Variants in CREB3L2 observed in about 807,000 individuals in gnomAD.
CREB3L2 encodes cyclic AMP-responsive element-binding protein 3-like protein 2.
CREB3L2 carries 23 observed loss-of-function variants against 57.2 expected under a neutral mutation model. The observed-to-expected ratio is 0.40, with a 90% CI of 0.29 to 0.57. CREB3L2 has a LOEUF of 0.57. CREB3L2 is among the 20% of genes least tolerant of loss of function. The probability of loss-of-function intolerance (pLI) is 0.42; values close to 1 mark genes in which losing one functional copy is unlikely to be tolerated. For missense variants in CREB3L2, 628 were observed against 634.7 expected (o/e 0.99, Z 0.11); for synonymous variants, 268 against 265.1 (o/e 1.01, Z -0.11).
At chr7:137,985,293 G>T (rs190041004) in intron 1 of CREB3L2, among the ~76,000 whole-genome samples, 1 of 152,308 alleles carries the variant, frequency 6.6e-6, no homozygotes, top group African/African-American at 2.4e-5. Flanking sequence ...ACTCAGAGAG[G>T]TTCTCTCGCT....
chr7:137,918,118 GT>G (rs1328327748), intron 2 of CREB3L2, among the ~76,000 whole-genome samples: 3 of 152,220 alleles, frequency 2.0e-5, no homozygotes, highest in Non-Finnish European at 1.5e-5. Flanking sequence ...GCTTAGGACA[GT>G]TAGGGAAGGG....
At chr7:137,930,170 T>C (rs1190769865) in intron 1 of CREB3L2, among the ~76,000 whole-genome samples, 1 of 152,116 alleles carries the variant, frequency 6.6e-6, no homozygotes. Flanking sequence ...GTGCTGGGAT[T>C]ACAGGCGTGA....
intron 1 of CREB3L2, among the ~76,000 whole-genome samples, chr7:137,962,905 C>T (rs1300124664): frequency 6.6e-6 from 1 of 152,192 alleles, no homozygotes. Flanking sequence ...TCCCCCAGCA[C>T]ACACAAACCT....
intron 1 of CREB3L2, among the ~76,000 whole-genome samples, chr7:137,974,987 C>T (rs907432848): frequency 2.6e-5 from 4 of 151,924 alleles, no homozygotes; most frequent in African/African-American, 4.8e-5. Context: ...GGAGTGTTGC[C>T]CAAGAGACAG....
intron 1 of CREB3L2, among the ~76,000 whole-genome samples, chr7:137,984,034 A>G (rs1801754197): frequency 6.6e-6 from 1 of 152,206 alleles, no homozygotes; most frequent in African/African-American, 2.4e-5. Context: ...GAAGTGCCAA[A>G]AAGTGCCACT....
intron 6 of CREB3L2, among the ~76,000 whole-genome samples, chr7:137,905,443 C>A (rs780562733): frequency 6.7e-6 from 1 of 148,328 alleles, no homozygotes; most frequent in Non-Finnish European, 1.5e-5. Flanking sequence ...TCCTCCCACC[C>A]GTAAATGTAT....
chr7:137,955,605 G>A (rs1279841889), intron 1 of CREB3L2, among the ~76,000 whole-genome samples: 1 of 152,050 alleles, frequency 6.6e-6, no homozygotes, highest in African/African-American at 2.4e-5. Flanking sequence ...CCACCACCTC[G>A]ACTTTTCAAA....
intron 5 of CREB3L2, 42 bp from the exon 6 acceptor site, chr7:137,905,890 C>T: frequency 6.5e-7 from 1 of 1,538,114 alleles, no homozygotes; most frequent in Non-Finnish European, 8.7e-7. Context: ...AGAAAAAGAA[C>T]TGGGACCACT....
intron 1 of CREB3L2, among the ~76,000 whole-genome samples, chr7:137,992,490 A>G (rs1174820552): frequency 6.6e-6 from 1 of 152,232 alleles, no homozygotes; most frequent in Non-Finnish European, 1.5e-5. Flanking sequence ...AAACACATCA[A>G]GAAACACATG....
chr7:137,989,060 C>G (rs28675865), intron 1 of CREB3L2, among the ~76,000 whole-genome samples: 9 of 152,122 alleles, frequency 5.9e-5, no homozygotes, highest in Non-Finnish European at 1.3e-4. Flanking sequence ...ACCAATGAAC[C>G]AGTGATGGTC....
At chr7:137,884,680 C>G (rs1000103674) in intron 10 of CREB3L2, 21 of 591,640 alleles carry the variant, frequency 3.5e-5, no homozygotes, top group Non-Finnish European at 5.7e-5. Context: ...AAGCGACAGA[C>G]TCTTTCCCTC....
rs1489917121 is a variant in CREB3L2 at position 138,001,322 on chromosome 7, TAAC to T, written c.102+279_102+281del. Among the ~76,000 whole-genome samples the T allele has an allele frequency of 6.6e-6, 1 of 152,124 alleles. No individual in the cohort carries two copies. The highest frequency in any genetic ancestry group is 1.5e-5 in the Non-Finnish European group (1 of 68,018). ...TCCCTCTCCCGCATTACAGTACTGT[TAAC>T]AACAGCAAATGATATTACAGATGGA... On this transcript the variant is annotated intron_variant, in intron 1 of 11. Coordinates refer to ENST00000330387, the MANE Select transcript of CREB3L2 (RefSeq NM_194071.4). The surrounding 1 kb of genome is among the most constrained non-coding windows in gnomAD (Gnocchi z 4.2).
chr7:137,953,814 A>G (rs1801153690), intron 1 of CREB3L2, among the ~76,000 whole-genome samples: 2 of 152,234 alleles, frequency 1.3e-5, no homozygotes. Flanking sequence ...CCAAGAGAAA[A>G]AGGGGCACTT....
intron 1 of CREB3L2, chr7:137,956,617 G>A (rs1032290526): frequency 1.3e-5 from 17 of 1,288,894 alleles, no homozygotes; most frequent in African/African-American, 1.2e-4. Flanking sequence ...CAGCCATGCC[G>A]AATATTTCTC....
Position 137,905,610 on chromosome 7 carries a change from G to C in CREB3L2, c.915+92C>G, listed in dbSNP as rs1278827467. 5.2e-6 allele frequency: 7 copies of C among 1,356,790 alleles called. No individual in the cohort carries two copies. The East Asian group carries it at 1.6e-4, about 31-fold the overall frequency. The allele number at this position is 1,356,790 out of a possible 1,614,324, so 84.0% of individuals were successfully genotyped here. ...GGCCTTGGTCTCCACCATGGGATGG[G>C]GTAGTGCTGGCCGTTGGGAAGGCAG... On this transcript the variant is annotated intron_variant, in intron 6 of 11. Coordinates refer to ENST00000330387, the MANE Select transcript of CREB3L2 (RefSeq NM_194071.4).
chr7:137,928,748 G>A (rs1364146671), intron 1 of CREB3L2, among the ~76,000 whole-genome samples: 2 of 152,134 alleles, frequency 1.3e-5, no homozygotes, highest in African/African-American at 4.8e-5. Context: ...TCTTCCATGA[G>A]GGAGAAAAAC....
At position 138,001,657 on chromosome 7, in the gene CREB3L2, T is replaced by C. The variant is rs781721490; in HGVS notation, c.49A>G (p.Lys17Glu). Residue 17 changes from lysine (K) to glutamate (E), a missense_variant, in exon 1 of 12, where the codon AAG (lysine) becomes GAG (glutamate). Around this residue, in one of 3 missense-constraint regions of CREB3L2, gnomAD observed 339 missense variants for 355.4 expected, o/e 0.95. Coordinates refer to ENST00000330387, the MANE Select transcript of CREB3L2 (RefSeq NM_194071.4). The surrounding 1 kb of genome is among the most constrained non-coding windows in gnomAD (Gnocchi z 4.2). Reference sequence around the variant, plus strand: ...CCGGGCTCTGACAGCTCGCTCAGCTTGCGGTCCCACTGCAGCACGCCCTGC... The same window carrying C: ...CCGGGCTCTGACAGCTCGCTCAGCTCGCGGTCCCACTGCAGCACGCCCTGC... ...GEQGVLQWDRKLSELSEPGDG... is the reference protein window; with the variant it reads ...GEQGVLQWDRELSELSEPGDG... The C allele has an allele frequency of 2.1e-5, 34 of 1,613,412 alleles. No homozygotes were observed. The highest frequency in any genetic ancestry group is 2.6e-5 in the Non-Finnish European group (31 of 1,179,824).
At chr7:137,988,327 A>C (rs2117324080) in intron 1 of CREB3L2, among the ~76,000 whole-genome samples, 1 of 152,332 alleles carries the variant, frequency 6.6e-6, no homozygotes, top group Non-Finnish European at 1.5e-5. Flanking sequence ...GGGTCCTGAA[A>C]CCTGGGCATT....
At chr7:137,929,961 G>C (rs923231641) in intron 1 of CREB3L2, among the ~76,000 whole-genome samples, 2 of 150,548 alleles carry the variant, frequency 1.3e-5, no homozygotes, top group African/African-American at 2.4e-5. Context: ...GCAATGGCGC[G>C]ATCTCCACTG....
Sources: allele counts gnomAD v4.1 joint callset (sites outside exome capture counted in the v4.1 genomes callset), GRCh38; gene constraint gnomAD v4.1.1; regional missense constraint gnomAD v4.1.1; non-coding constraint Gnocchi (gnomAD v3.1); transcripts MANE v1.5; gene names NCBI Gene and HGNC (gene_info 2026-07-23, HGNC 2026-07-21).